DCC: variants seen among roughly 807,000 people sequenced by gnomAD.
DCC encodes netrin receptor DCC.
A neutral mutation model predicts 172.5 loss-of-function variants in DCC; 58 were observed. That is an observed-to-expected ratio of 0.34 (90% confidence interval 0.27 to 0.42). DCC has a LOEUF of 0.42. Among genes scored for constraint, DCC ranks in the 10% least tolerant of loss-of-function variants. The pLI is 1.00. For synonymous variants in DCC, 709 were observed against 644.5 expected, an observed-to-expected ratio of 1.10 and a Z score of -1.52; for missense variants, 1,740 against 1,791.0, an observed-to-expected ratio of 0.97 and a Z score of 0.51.
intron 3 of DCC, among the ~76,000 whole-genome samples, chr18:52,907,975 ATTAG>A (rs2039914988): frequency 6.6e-6 from 1 of 152,164 alleles, no homozygotes; most frequent in East Asian, 1.9e-4. Flanking sequence ...TGCGATTCTA[ATTAG>A]TTAGAATCTC....
intron 9 of DCC, among the ~76,000 whole-genome samples, chr18:53,201,446 GTCAT>G (rs2055535948): frequency 6.6e-6 from 1 of 152,148 alleles, no homozygotes; most frequent in South Asian, 2.1e-4. Context: ...ATCTTAACAG[GTCAT>G]TCAGTCTCAA....
chr18:52,456,131 G>C (rs1259466451), intron 1 of DCC, among the ~76,000 whole-genome samples: 2 of 151,970 alleles, frequency 1.3e-5, no homozygotes, highest in Non-Finnish European at 2.9e-5. Context: ...ACAGATTTCT[G>C]TTTTATATTT....
chr18:53,193,858 T>A (rs2144518793), intron 9 of DCC, among the ~76,000 whole-genome samples: 1 of 152,330 alleles, frequency 6.6e-6, no homozygotes, highest in South Asian at 2.1e-4. Flanking sequence ...AGGTAGGATC[T>A]TTTTTTCATT....
intron 1 of DCC, among the ~76,000 whole-genome samples, chr18:52,558,853 A>G (rs117465709): frequency 0.041 from 6,254 of 152,314 alleles, 158 homozygotes; most frequent in Non-Finnish European, 0.054. Flanking sequence ...TGGTGAACAC[A>G]TAGTTAGAAA....
At chr18:53,141,951 CT>C (rs1303773405) in intron 7 of DCC, among the ~76,000 whole-genome samples, 2 of 152,040 alleles carry the variant, frequency 1.3e-5, no homozygotes, top group Non-Finnish European at 2.9e-5. Context: ...GAAACAAACC[CT>C]GTCCAACATG....
At chr18:52,380,065 T>A (rs1985519620) in intron 1 of DCC, among the ~76,000 whole-genome samples, 1 of 152,018 alleles carries the variant, frequency 6.6e-6, no homozygotes, top group Non-Finnish European at 1.5e-5. Context: ...GGGAGGAATA[T>A]CGTTTCCACA....
chr18:53,356,023 T>A (rs1234902329), intron 15 of DCC, among the ~76,000 whole-genome samples: 1 of 152,132 alleles, frequency 6.6e-6, no homozygotes, highest in East Asian at 1.9e-4. Context: ...AACTCAGAAC[T>A]GCAATTAAAC....
rs559487266 is a variant in DCC, at chr18:53,201,519, T to C, written c.1574-3697T>C. ...AATAATAGGTTCAGAATCAGAAATG[T>C]CCCCTCTTGAAATATGTGCGTTGTC... On this transcript the variant is annotated intron_variant, in intron 9 of 28. Transcript: ENST00000442544. Among the ~76,000 whole-genome samples, 78 of 152,304 alleles carry C rather than the reference T, an allele frequency of 5.1e-4. 1 individual carries two copies. The Middle Eastern group carries it at 0.024, about 46-fold the overall frequency.
chr18:52,437,217 A>G (rs1456088429), intron 1 of DCC, among the ~76,000 whole-genome samples: 3 of 152,204 alleles, frequency 2.0e-5, no homozygotes, highest in East Asian at 1.9e-4. Flanking sequence ...AGACATCTCC[A>G]TGGGAGATAG....
At chr18:52,876,673 T>C (rs11873073) in intron 2 of DCC, among the ~76,000 whole-genome samples, 3,166 of 152,340 alleles carry the variant, frequency 0.021, 58 homozygotes, top group Admixed American at 0.039. Context: ...AATGTACTTA[T>C]GAAGCCCATA....
chr18:52,863,464 T>C (rs2039175136), intron 2 of DCC, among the ~76,000 whole-genome samples: 1 of 151,796 alleles, frequency 6.6e-6, no homozygotes, highest in Non-Finnish European at 1.5e-5. Flanking sequence ...ACATATTTAC[T>C]AGCAGACCTA....
chr18:53,428,358 G>T (rs1412618378), intron 21 of DCC, among the ~76,000 whole-genome samples: 1 of 50,012 alleles, frequency 2.0e-5, no homozygotes, highest in Non-Finnish European at 3.9e-5. Flanking sequence ...AATATATGTT[G>T]TATATAATAT....
At chr18:53,461,318 G>T (rs2045556966) in intron 24 of DCC, among the ~76,000 whole-genome samples, 1 of 151,592 alleles carries the variant, frequency 6.6e-6, no homozygotes, top group Admixed American at 6.6e-5. Flanking sequence ...GTCTTTTGTT[G>T]CCATTGCTTT....
chr18:53,228,489 A>C (rs1476526788), intron 12 of DCC, among the ~76,000 whole-genome samples: 1 of 152,040 alleles, frequency 6.6e-6, no homozygotes, highest in Non-Finnish European at 1.5e-5. Context: ...CAGCCAAAAA[A>C]CCTCAGCACT....
chr18:53,488,495 G>A (rs906139969), intron 26 of DCC, among the ~76,000 whole-genome samples: 1 of 152,034 alleles, frequency 6.6e-6, no homozygotes, highest in Non-Finnish European at 1.5e-5. Context: ...TTCGTGTTGT[G>A]TTACTCATTT....
chr18:53,384,463 G>A (rs539116572), intron 15 of DCC, among the ~76,000 whole-genome samples: 14 of 151,756 alleles, frequency 9.2e-5, no homozygotes, highest in South Asian at 2.1e-4. Context: ...TTATCTGTAC[G>A]TTAGATCTTC....
intron 27 of DCC, among the ~76,000 whole-genome samples, chr18:53,512,101 G>T (rs1032182035): frequency 1.3e-5 from 2 of 152,092 alleles, no homozygotes; most frequent in Non-Finnish European, 2.9e-5. Flanking sequence ...CTCCCAGCAC[G>T]CAGCTGGAGA....
intron 1 of DCC, among the ~76,000 whole-genome samples, chr18:52,611,022 T>C (rs1369214777): frequency 1.3e-5 from 2 of 152,226 alleles, no homozygotes; most frequent in Non-Finnish European, 2.9e-5. Flanking sequence ...GGAATGTTTG[T>C]TGCCAAAGTG....
chr18:52,741,475 C>G (rs181429660), intron 1 of DCC, among the ~76,000 whole-genome samples: 2 of 152,122 alleles, frequency 1.3e-5, no homozygotes, highest in Admixed American at 1.3e-4. Context: ...GGATGTGCTA[C>G]GTCCCTCTAC....
Sources: allele counts gnomAD v4.1 joint callset (sites outside exome capture counted in the v4.1 genomes callset), GRCh38; gene constraint gnomAD v4.1.1; transcripts MANE v1.5; gene names NCBI Gene and HGNC (gene_info 2026-07-23, HGNC 2026-07-21).